Variants in SIPA1L3 observed in about 807,000 individuals in gnomAD.
SIPA1L3 encodes signal induced proliferation associated 1 like 3, also known as signal-induced proliferation-associated 1-like protein 3.
Under a neutral mutation model 150.1 loss-of-function variants are expected in SIPA1L3, and 59 were observed. That is an observed-to-expected ratio of 0.39 (90% CI 0.32 to 0.49). The LOEUF (loss-of-function observed/expected upper bound fraction) is 0.49. Among genes scored for constraint, SIPA1L3 ranks in the 20% least tolerant of loss-of-function variants. The pLI is 0.86. For missense variants in SIPA1L3, 2,211 were observed against 2,489.5 expected (o/e 0.89, Z 2.38); for synonymous variants, 1,070 against 1,077.6 (o/e 0.99, Z 0.14).
chr19:38,160,056 G>T (rs146540737), intron 13 of SIPA1L3, among the ~76,000 whole-genome samples: 1 of 152,146 alleles, frequency 6.6e-6, no homozygotes, highest in African/African-American at 2.4e-5. Flanking sequence ...CTGTTGCCCA[G>T]GATGGAGTGT....
chr19:38,131,974 C>A (rs964334158), intron 10 of SIPA1L3, among the ~76,000 whole-genome samples: 1 of 151,970 alleles, frequency 6.6e-6, no homozygotes, highest in Non-Finnish European at 1.5e-5. Context: ...TGGGTTCACA[C>A]CTGTAATCGT....
chr19:38,000,665 G>A (rs1408928121), intron 1 of SIPA1L3, among the ~76,000 whole-genome samples: 2 of 83,494 alleles, frequency 2.4e-5, no homozygotes, highest in African/African-American at 9.8e-5. Context: ...GGAAAGCAGG[G>A]GCAAAAGACT....
intron 15 of SIPA1L3, among the ~76,000 whole-genome samples, chr19:38,173,986 C>T (rs975094153): frequency 6.6e-6 from 1 of 151,760 alleles, no homozygotes; most frequent in East Asian, 1.9e-4. Context: ...GGGGCCCTGT[C>T]GGGAGGGCTC....
At chr19:38,172,306 G>C (rs1051091958) in intron 15 of SIPA1L3, among the ~76,000 whole-genome samples, 21 of 152,162 alleles carry the variant, frequency 1.4e-4, no homozygotes, top group Non-Finnish European at 2.6e-4. Flanking sequence ...TGTGAGAAGA[G>C]GAGGCAGAGT....
chr19:38,120,854 A>C (rs963513119), intron 9 of SIPA1L3, among the ~76,000 whole-genome samples: 1 of 152,252 alleles, frequency 6.6e-6, no homozygotes, highest in African/African-American at 2.4e-5. Flanking sequence ...TTGCCTCTGC[A>C]GTGGGTTTGG....
At chr19:37,921,122 G>T (rs1303359459) in intron 1 of SIPA1L3, among the ~76,000 whole-genome samples, 1 of 152,176 alleles carries the variant, frequency 6.6e-6, no homozygotes, top group Non-Finnish European at 1.5e-5. Context: ...CCCCTTTCCA[G>T]TTCTGACTCT....
At chr19:38,090,386 G>C (rs73630882) in intron 4 of SIPA1L3, among the ~76,000 whole-genome samples, 2,948 of 151,494 alleles carry the variant, frequency 0.019, 103 homozygotes, top group African/African-American at 0.068. Flanking sequence ...CTCTGGCTCT[G>C]CTTTAGATCA....
intron 2 of SIPA1L3, among the ~76,000 whole-genome samples, chr19:38,060,507 G>A (rs377541931): frequency 3.3e-5 from 5 of 152,184 alleles, no homozygotes; most frequent in South Asian, 2.1e-4. Context: ...GCAGAGGTGC[G>A]TGACTTTGGA....
intron 1 of SIPA1L3, among the ~76,000 whole-genome samples, chr19:37,985,111 GC>G (rs1967312533): frequency 6.6e-6 from 1 of 152,148 alleles, no homozygotes; most frequent in Non-Finnish European, 1.5e-5. Context: ...ATTTTGGGAG[GC>G]CAAGGCAGGA....
intron 17 of SIPA1L3, 138 bp downstream of exon 17, chr19:38,192,448 C>T: frequency 1.3e-6 from 1 of 780,684 alleles, no homozygotes; most frequent in Non-Finnish European, 2.0e-6. Context: ...TGGCATCTGC[C>T]AGTCCTGTTG....
chr19:37,941,108 A>ACACCCACACACC (rs1555767565), intron 1 of SIPA1L3, among the ~76,000 whole-genome samples: 3 of 150,434 alleles, frequency 2.0e-5, no homozygotes, highest in Admixed American at 6.9e-5. Context: ...ACACACACAC[A>ACACCCACACACC]CACACACACA....
intron 6 of SIPA1L3, among the ~76,000 whole-genome samples, chr19:38,103,462 A>G (rs373853953): frequency 6.6e-6 from 1 of 152,066 alleles, no homozygotes; most frequent in Non-Finnish European, 1.5e-5. Flanking sequence ...CCCCGTCTCT[A>G]CTAAAAATAC....
At chr19:38,093,294 G>T (rs950965203) in intron 4 of SIPA1L3, among the ~76,000 whole-genome samples, 5 of 152,204 alleles carry the variant, frequency 3.3e-5, no homozygotes, top group African/African-American at 1.2e-4. Flanking sequence ...CGAACAGCCA[G>T]TGCAGAGGTC....
At chr19:37,941,865 A>C (rs2046661832) in intron 1 of SIPA1L3, among the ~76,000 whole-genome samples, 1 of 152,228 alleles carries the variant, frequency 6.6e-6, no homozygotes, top group African/African-American at 2.4e-5. Context: ...ACTCCATTGC[A>C]GAGGCAAGCC....
chr19:38,175,408 A>T (rs1407108616), intron 15 of SIPA1L3, among the ~76,000 whole-genome samples: 1 of 152,082 alleles, frequency 6.6e-6, no homozygotes, highest in African/African-American at 2.4e-5. Context: ...GCACACACTT[A>T]TGCAGCTGGT....
intron 15 of SIPA1L3, among the ~76,000 whole-genome samples, chr19:38,178,762 T>C (rs958390773): frequency 6.6e-6 from 1 of 152,062 alleles, no homozygotes; most frequent in Non-Finnish European, 1.5e-5. Context: ...AGGCATGAGC[T>C]ACCACACCCA....
chr19:38,007,191 G>A (rs1269106356), intron 1 of SIPA1L3, among the ~76,000 whole-genome samples: 2 of 151,874 alleles, frequency 1.3e-5, no homozygotes, highest in East Asian at 1.9e-4. Flanking sequence ...GGTGGCTGAC[G>A]CCTGTAATCT....
chr19:38,005,444 G>A (rs1007887883), intron 1 of SIPA1L3, among the ~76,000 whole-genome samples: 13 of 151,966 alleles, frequency 8.6e-5, no homozygotes, highest in African/African-American at 2.9e-4. Flanking sequence ...TTGCTCCTGG[G>A]CTGCTTTCTT....
chr19:38,183,837 A>C (rs2146027196), intron 16 of SIPA1L3, among the ~76,000 whole-genome samples: 1 of 151,600 alleles, frequency 6.6e-6, no homozygotes, highest in Middle Eastern at 3.4e-3. Context: ...GGGCCAGGAG[A>C]GGCGGAGCTC....
Sources: allele counts gnomAD v4.1 joint callset (sites outside exome capture counted in the v4.1 genomes callset), GRCh38; gene constraint gnomAD v4.1.1; transcripts MANE v1.5; gene names NCBI Gene and HGNC (gene_info 2026-07-23, HGNC 2026-07-21).